Variants in LRP1B observed in about 807,000 individuals in gnomAD.
The protein encoded by LRP1B is low-density lipoprotein receptor-related protein 1B.
LRP1B carries 217 observed loss-of-function variants against 556.6 expected under a neutral mutation model. The ratio of observed to expected loss-of-function variants is 0.39; its 90% CI spans 0.35 to 0.44. The LOEUF (loss-of-function observed/expected upper bound fraction) is 0.44. LRP1B is among the 20% of genes least tolerant of loss of function. LRP1B has a pLI of 1.00. For missense variants in LRP1B, 5,053 were observed against 5,620.8 expected (o/e 0.90, Z 3.23); for synonymous variants, 2,047 against 1,865.8 (o/e 1.10, Z -2.50).
intron 37 of LRP1B, among the ~76,000 whole-genome samples, chr2:140,712,006 G>A (rs531164229): frequency 1.1e-3 from 169 of 152,230 alleles, no homozygotes; most frequent in African/African-American, 3.7e-3. Flanking sequence ...AATGGACACC[G>A]TCTGTGCTCC....
intron 7 of LRP1B, among the ~76,000 whole-genome samples, chr2:141,130,604 C>T (rs62173726): frequency 0.079 from 11,941 of 151,802 alleles, 618 homozygotes; most frequent in Middle Eastern, 0.19. Context: ...GAGTTGTACC[C>T]GTGTGAGATA....
At chr2:141,933,952 C>T (rs932009962) in intron 1 of LRP1B, among the ~76,000 whole-genome samples, 1 of 151,696 alleles carries the variant, frequency 6.6e-6, no homozygotes, top group Non-Finnish European at 1.5e-5. Context: ...AGTAAGGGCC[C>T]ACAAAAATAA....
rs562107272 is a variant in LRP1B, at chr2:141,845,758, C to A, written c.83-35357G>T. ...ATATCATTACTTATAACAGCAGAAG[C>A]AGAGCTAACATAGAAAAATAACAAG... On this transcript the variant is annotated intron_variant, in intron 1 of 90. Transcript: ENST00000389484. 2.8e-4 allele frequency among the ~76,000 whole-genome samples: 43 copies of A among 151,864 alleles called. 2 individuals are homozygous for A. In the South Asian group the frequency reaches 8.9e-3, roughly 32 times the overall value.
At chr2:141,473,673 G>C (rs1682565034) in intron 3 of LRP1B, among the ~76,000 whole-genome samples, 1 of 152,052 alleles carries the variant, frequency 6.6e-6, no homozygotes, top group Non-Finnish European at 1.5e-5. Flanking sequence ...ACAAACCTAG[G>C]TCTTCCTGGG....
intron 21 of LRP1B, among the ~76,000 whole-genome samples, chr2:140,913,655 ATAG>A (rs1694489404): frequency 6.6e-6 from 1 of 152,022 alleles, no homozygotes; most frequent in South Asian, 2.1e-4. Flanking sequence ...TAGGGCATAG[ATAG>A]TAGAAGAGAA....
intron 32 of LRP1B, among the ~76,000 whole-genome samples, chr2:140,793,385 G>T (rs1011162054): frequency 6.6e-6 from 1 of 151,768 alleles, no homozygotes; most frequent in Non-Finnish European, 1.5e-5. Context: ...ATATATTATC[G>T]CAATATTTTA....
intron 41 of LRP1B, among the ~76,000 whole-genome samples, chr2:140,640,157 C>T (rs1167247464): frequency 1.3e-5 from 2 of 151,408 alleles, no homozygotes; most frequent in Non-Finnish European, 2.9e-5. Flanking sequence ...CGCCCGCCAC[C>T]TCGCCTGGCT....
chr2:141,288,916 A>G lies in LRP1B; in HGVS notation c.344-34275T>C, dbSNP rs559304814. On this transcript the variant is annotated intron_variant, in intron 3 of 90. Transcript: ENST00000389484. ...AAGCTTTATTCCCACTAGAAAGTGC[A>G]GACATCACTTTCAATATCATGAAAT... Among the ~76,000 whole-genome samples the G allele has an allele frequency of 2.1e-4, 32 of 152,320 alleles. No individual in the cohort carries two copies. In the South Asian group the frequency reaches 6.4e-3, roughly 31 times the overall value.
At chr2:140,499,722 T>A (rs1689099504) in intron 55 of LRP1B, among the ~76,000 whole-genome samples, 1 of 151,318 alleles carries the variant, frequency 6.6e-6, no homozygotes, top group South Asian at 2.1e-4. Flanking sequence ...TTAGAAAAGG[T>A]ACAGTAAAAA....
At chr2:140,887,865 TAGATC>T (rs1380333668) in intron 23 of LRP1B, among the ~76,000 whole-genome samples, 2 of 152,048 alleles carry the variant, frequency 1.3e-5, no homozygotes, top group African/African-American at 2.4e-5. Context: ...TGGTAGAAAA[TAGATC>T]AGTGGTTTCT....
chr2:141,670,691 A>G (rs190483339), intron 2 of LRP1B, among the ~76,000 whole-genome samples: 43 of 152,346 alleles, frequency 2.8e-4, no homozygotes, highest in African/African-American at 1.0e-3. Flanking sequence ...AATATTTTCC[A>G]ATGGAAAGTA....
intron 2 of LRP1B, among the ~76,000 whole-genome samples, chr2:141,655,617 TG>T (rs1167065925): frequency 6.6e-6 from 1 of 152,186 alleles, no homozygotes; most frequent in African/African-American, 2.4e-5. Context: ...TTAATATTAA[TG>T]GGGTTATTGC....
At chr2:140,510,163 T>C (rs969923315) in intron 51 of LRP1B, 107 bp from the exon 52 acceptor site, 1 of 1,243,752 alleles carries the variant, frequency 8.0e-7, no homozygotes, top group South Asian at 1.4e-5. Context: ...ATGTTGCTTA[T>C]AAGGAGGCGA....
intron 33 of LRP1B, among the ~76,000 whole-genome samples, chr2:140,773,641 TAG>T (rs1689394054): frequency 6.8e-6 from 1 of 148,054 alleles, no homozygotes; most frequent in South Asian, 2.1e-4. Flanking sequence ...TTCAGATATA[TAG>T]AGAGAACTAT....
intron 34 of LRP1B, 118 bp from the exon 35 acceptor site, chr2:140,769,462 CCTGGCCTTTT>C: frequency 9.3e-7 from 1 of 1,080,190 alleles, no homozygotes; most frequent in Non-Finnish European, 1.3e-6. Flanking sequence ...AAATGTATTT[CCTGGCCTTTT>C]AAAAAAATTA....
intron 3 of LRP1B, among the ~76,000 whole-genome samples, chr2:141,417,748 T>C (rs1679959715): frequency 1.4e-5 from 2 of 145,992 alleles, no homozygotes; most frequent in South Asian, 2.1e-4. Context: ...CTGCATCATA[T>C]GGTAGTTCTA....
intron 3 of LRP1B, among the ~76,000 whole-genome samples, chr2:141,278,401 A>G (rs1458746721): frequency 6.6e-6 from 1 of 152,174 alleles, no homozygotes; most frequent in Non-Finnish European, 1.5e-5. Flanking sequence ...CAGCTGCAGA[A>G]GAAGGCTTTG....
At position 140,945,441 on chromosome 2, in the gene LRP1B, T is replaced by TA. The variant is rs1695513747; in HGVS notation, c.3136+4793_3136+4794insT. Among the ~76,000 whole-genome samples the TA allele has an allele frequency of 7.9e-5, 12 of 152,132 alleles. 1 individual carries two copies. The South Asian group carries it at 2.5e-3, about 32-fold the overall frequency. ...AAAGAATATAGCTAGAGGCATCAGA[T>TA]TATCCAACTTCAAACTATACTACAA... is the stretch of plus-strand genomic sequence containing the variant. On this transcript the variant is annotated intron_variant, in intron 20 of 90. Coordinates refer to ENST00000389484, the MANE Select transcript of LRP1B (RefSeq NM_018557.3).
intron 1 of LRP1B, among the ~76,000 whole-genome samples, chr2:141,870,934 G>A (rs145969475): frequency 4.2e-4 from 64 of 152,010 alleles, no homozygotes; most frequent in African/African-American, 1.3e-3. Flanking sequence ...GGTTGTGAGT[G>A]CACTAGTCCC....
Sources: allele counts gnomAD v4.1 joint callset (sites outside exome capture counted in the v4.1 genomes callset), GRCh38; gene constraint gnomAD v4.1.1; transcripts MANE v1.5; gene names NCBI Gene and HGNC (gene_info 2026-07-23, HGNC 2026-07-21).